Variants in STK10 observed in about 807,000 individuals in gnomAD.
The protein encoded by STK10 is serine/threonine kinase 10.
In STK10, 78 loss-of-function variants were observed where a neutral mutation model predicts 113.8. The observed-to-expected ratio is 0.69, with a 90% CI of 0.57 to 0.83. The LOEUF (loss-of-function observed/expected upper bound fraction) is 0.83, where lower values mean the gene tolerates loss of function less well. Ranked by LOEUF, STK10 falls within the 40% of genes least tolerant of loss-of-function variation. STK10 has a pLI of 0.00. For missense variants in STK10, 1,109 were observed against 1,280.1 expected (o/e 0.87, Z 2.04); for synonymous variants, 465 against 494.7 (o/e 0.94, Z 0.80).
At chr5:172,090,127 ACTTCATG>A (rs1768664105) in intron 10 of STK10, 98 bp downstream of exon 10, 1 of 1,495,000 alleles carries the variant, frequency 6.7e-7, no homozygotes, top group Non-Finnish European at 9.0e-7. Context: ...TGATTCCCCC[ACTTCATG>A]CTGTAGACAG....
At chr5:172,118,241 G>A (rs76282022) in intron 3 of STK10, among the ~76,000 whole-genome samples, 2,424 of 152,258 alleles carry the variant, frequency 0.016, 61 homozygotes, top group African/African-American at 0.054. Context: ...TTCAAACCAG[G>A]GTCTGGCTTT....
At chr5:172,046,994 C>T (rs892455089) in intron 18 of STK10, among the ~76,000 whole-genome samples, 1 of 152,224 alleles carries the variant, frequency 6.6e-6, no homozygotes. Context: ...AGCAACACTT[C>T]ATTGACTCTA....
At chr5:172,182,384 T>C (rs1456022408) in intron 1 of STK10, among the ~76,000 whole-genome samples, 1 of 151,894 alleles carries the variant, frequency 6.6e-6, no homozygotes, top group Non-Finnish European at 1.5e-5. Flanking sequence ...TTGTTTTGTT[T>C]TGTTTTGAGC....
At chr5:172,096,770 G>A (rs757964094) in intron 7 of STK10, among the ~76,000 whole-genome samples, 17 of 152,158 alleles carry the variant, frequency 1.1e-4, no homozygotes, top group Non-Finnish European at 2.4e-4. Context: ...GCGGCTGTGT[G>A]ACCTTGAGCA....
intron 7 of STK10, among the ~76,000 whole-genome samples, chr5:172,100,990 G>A (rs1241464220): frequency 6.6e-6 from 1 of 152,112 alleles, no homozygotes; most frequent in Non-Finnish European, 1.5e-5. Context: ...GTGGCCTACA[G>A]GCTGTGTGAC....
intron 14 of STK10, among the ~76,000 whole-genome samples, chr5:172,057,677 TG>T (rs1767838684): frequency 1.3e-5 from 2 of 152,134 alleles, no homozygotes; most frequent in African/African-American, 4.8e-5. Context: ...GCCTAAGGAA[TG>T]AGAGCTCCCA....
intron 1 of STK10, among the ~76,000 whole-genome samples, chr5:172,163,766 C>A (rs1338995943): frequency 6.6e-6 from 1 of 152,186 alleles, no homozygotes; most frequent in Non-Finnish European, 1.5e-5. Flanking sequence ...ACTGCCCTCC[C>A]ATATCATAAT....
intron 7 of STK10, among the ~76,000 whole-genome samples, chr5:172,105,416 C>T (rs1261254142): frequency 6.6e-6 from 1 of 152,110 alleles, no homozygotes; most frequent in African/African-American, 2.4e-5. Flanking sequence ...GCTTATTTGC[C>T]ACCTGTATCC....
At chr5:172,075,176 A>G (rs2113720746) in intron 12 of STK10, among the ~76,000 whole-genome samples, 1 of 144,832 alleles carries the variant, frequency 6.9e-6, no homozygotes, top group Middle Eastern at 3.7e-3. Flanking sequence ...TCAAAAAAAG[A>G]AAAAAAAAAA....
chr5:172,182,927 C>T (rs1203078246), intron 1 of STK10, among the ~76,000 whole-genome samples: 1 of 152,108 alleles, frequency 6.6e-6, no homozygotes, highest in African/African-American at 2.4e-5. Context: ...AAGAAGGATA[C>T]CAGGCTCAGT....
chr5:172,103,805 T>C (rs1769044464), intron 7 of STK10, among the ~76,000 whole-genome samples: 1 of 152,264 alleles, frequency 6.6e-6, no homozygotes, highest in East Asian at 1.9e-4. Flanking sequence ...CCTGGAGCAC[T>C]GTGCTTAAGA....
chr5:172,145,830 C>T (rs1770075831), intron 2 of STK10, among the ~76,000 whole-genome samples: 2 of 152,166 alleles, frequency 1.3e-5, no homozygotes, highest in Admixed American at 1.3e-4. Flanking sequence ...ACCTGGTGTC[C>T]AGTGAGTACA....
At chr5:172,148,095 T>C (rs116764363) in intron 2 of STK10, among the ~76,000 whole-genome samples, 100 of 152,234 alleles carry the variant, frequency 6.6e-4, no homozygotes, top group African/African-American at 2.4e-3. Context: ...TCTGGGACCC[T>C]CCTACACTGC....
At chr5:172,119,560 T>A (rs1341288044) in intron 3 of STK10, among the ~76,000 whole-genome samples, 1 of 152,036 alleles carries the variant, frequency 6.6e-6, no homozygotes, top group African/African-American at 2.4e-5. Context: ...GCTTGTAGCA[T>A]TTATTATATT....
intron 5 of STK10, 164 bp from the exon 6 acceptor site, chr5:172,106,978 TC>T: frequency 3.3e-6 from 2 of 599,898 alleles, no homozygotes; most frequent in African/African-American, 2.0e-5. Context: ...AGGACGCTCT[TC>T]CACAGAAAAA....
intron 1 of STK10, among the ~76,000 whole-genome samples, chr5:172,172,019 C>A (rs1165533644): frequency 6.6e-6 from 1 of 151,976 alleles, no homozygotes; most frequent in Admixed American, 6.6e-5. Context: ...TGGTGAAACC[C>A]TGTCTCTACA....
intron 3 of STK10, among the ~76,000 whole-genome samples, chr5:172,122,853 GAC>G (rs2066641396): frequency 6.6e-6 from 1 of 152,158 alleles, no homozygotes; most frequent in South Asian, 2.1e-4. Flanking sequence ...TCGATCTCCT[GAC>G]CTCATGATCC....
chr5:172,055,622 C>T lies in STK10; in HGVS notation c.2492G>A (p.Gly831Asp), dbSNP rs1424376967. The T allele has an allele frequency of 3.2e-6, 5 of 1,554,402 alleles. No individual in the cohort carries two copies. The highest frequency in any genetic ancestry group is 1.9e-5 in the Admixed American group (1 of 52,574). ...CTTCTCACGCTGCTCAGCTGCGCTG[C>T]CCCCGCCGTTGATGTGGAGGCTCTT... is the stretch of plus-strand genomic sequence containing the variant. Reference protein sequence around the residue: ...YKKSLHINGGGSAAEQREKIK... With the variant: ...YKKSLHINGGDSAAEQREKIK... Residue 831 changes from glycine (G) to aspartate (D), a missense_variant, in exon 16 of 19, where the codon GGC becomes GAC. By Grantham distance (94) the Gly-to-Asp change is moderately conservative. Coordinates refer to ENST00000176763, the MANE Select transcript of STK10 (RefSeq NM_005990.4).
Position 172,161,821 on chromosome 5 carries a change from A to G in STK10, c.157-5033T>C, listed in dbSNP as rs1770477154. 2.0e-5 allele frequency among the ~76,000 whole-genome samples: 3 copies of G among 152,128 alleles called. No individual in the cohort carries two copies. The East Asian group carries it at 5.8e-4, about 29-fold the overall frequency. On this transcript the variant is annotated intron_variant, in intron 1 of 18. Transcript: ENST00000176763. Reference sequence around the variant, plus strand: ...GAGGCGGCAGAGTGGGCTTGGAACTAAGGCAGTCCCATGCCCAGGTGTGCA... The same window carrying G: ...GAGGCGGCAGAGTGGGCTTGGAACTGAGGCAGTCCCATGCCCAGGTGTGCA...
Sources: gnomAD v4.1 joint callset for allele counts (sites outside exome capture counted in the v4.1 genomes callset) on GRCh38, gnomAD v4.1.1 for gene constraint, MANE v1.5 for transcripts, NCBI Gene and HGNC (gene_info 2026-07-23, HGNC 2026-07-21) for gene names.